SDK1: variants seen among roughly 807,000 people sequenced by gnomAD.
SDK1 encodes the protein sidekick cell adhesion molecule 1.
Under a neutral mutation model 245.5 loss-of-function variants are expected in SDK1, and 157 were observed. The ratio of observed to expected loss-of-function variants is 0.64; its 90% CI spans 0.56 to 0.73. The LOEUF (loss-of-function observed/expected upper bound fraction) is 0.73, where lower values mean the gene tolerates loss of function less well. Among genes scored for constraint, SDK1 ranks in the 30% least tolerant of loss-of-function variants. SDK1 has a pLI of 0.00. For synonymous variants in SDK1, 1,647 were observed against 1,278.5 expected (o/e 1.29, Z -6.15); for missense variants, 3,583 against 3,002.3 (o/e 1.19, Z -4.52).
chr7:3,466,758 G>A (rs926302426), intron 1 of SDK1, among the ~76,000 whole-genome samples: 1 of 151,668 alleles, frequency 6.6e-6, no homozygotes, highest in Non-Finnish European at 1.5e-5. Context: ...ATTATGCAAA[G>A]TATCTCCCCC....
chr7:4,091,353 T>TTTTTTTG (rs1781789642), intron 22 of SDK1, among the ~76,000 whole-genome samples: 1 of 145,498 alleles, frequency 6.9e-6, no homozygotes, highest in African/African-American at 2.6e-5. Context: ...TTTTTTTTTT[T>TTTTTTTG]TTTGTTTGAG....
At chr7:3,912,934 A>T (rs1176963092) in intron 5 of SDK1, among the ~76,000 whole-genome samples, 1 of 152,226 alleles carries the variant, frequency 6.6e-6, no homozygotes, top group Admixed American at 6.5e-5. Context: ...CACAGTTTTC[A>T]TGTAAGGGCT....
chr7:3,591,903 A>G (rs1413174497), intron 1 of SDK1, among the ~76,000 whole-genome samples: 2 of 152,204 alleles, frequency 1.3e-5, no homozygotes, highest in African/African-American at 4.8e-5. Flanking sequence ...TGGTGTCTGA[A>G]GTTTGAGAGG....
intron 35 of SDK1, among the ~76,000 whole-genome samples, chr7:4,192,298 C>G (rs183178012): frequency 1.4e-4 from 21 of 151,292 alleles, no homozygotes; most frequent in African/African-American, 5.2e-4. Flanking sequence ...TTTATTGAGA[C>G]GGAGTCTCAC....
intron 5 of SDK1, among the ~76,000 whole-genome samples, chr7:3,864,027 A>G (rs1008311768): frequency 6.6e-6 from 1 of 152,206 alleles, no homozygotes; most frequent in Non-Finnish European, 1.5e-5. Context: ...CACAATGATC[A>G]CAGTGGTCAC....
intron 5 of SDK1, among the ~76,000 whole-genome samples, chr7:3,847,160 C>G: frequency 6.6e-6 from 1 of 152,078 alleles, no homozygotes; most frequent in East Asian, 1.9e-4. Flanking sequence ...AACCTCCAAA[C>G]CCTGCCTTTG....
intron 35 of SDK1, among the ~76,000 whole-genome samples, chr7:4,201,500 A>G (rs1312169463): frequency 1.3e-5 from 2 of 152,242 alleles, no homozygotes; most frequent in Non-Finnish European, 2.9e-5. Context: ...ATATTAAAAC[A>G]TTAACATTGA....
chr7:4,261,741 TC>T (rs960691112), intron 44 of SDK1, among the ~76,000 whole-genome samples: 6 of 152,164 alleles, frequency 3.9e-5, no homozygotes, highest in Middle Eastern at 3.4e-3. Flanking sequence ...CCTCCCCAGT[TC>T]CCTTGATACC....
chr7:4,051,946 G>C, intron 19 of SDK1, 116 bp downstream of exon 19: 1 of 914,150 alleles, frequency 1.1e-6, no homozygotes, highest in South Asian at 1.7e-5. Context: ...CGGATTTTTG[G>C]AGTGCTTGCA....
chr7:3,464,665 A>G (rs183542244), intron 1 of SDK1, among the ~76,000 whole-genome samples: 2 of 151,670 alleles, frequency 1.3e-5, no homozygotes, highest in Admixed American at 6.6e-5. Flanking sequence ...GCAAATATGT[A>G]TAATACATTA....
At chr7:3,978,080 G>T (rs1783109948) in intron 13 of SDK1, among the ~76,000 whole-genome samples, 1 of 151,994 alleles carries the variant, frequency 6.6e-6, no homozygotes, top group Admixed American at 6.6e-5. Flanking sequence ...TCGGGTCTCA[G>T]ACAGAGGATT....
intron 4 of SDK1, among the ~76,000 whole-genome samples, chr7:3,734,323 A>G (rs1304484799): frequency 6.6e-6 from 1 of 152,222 alleles, no homozygotes; most frequent in Non-Finnish European, 1.5e-5. Flanking sequence ...TTAAAAATGA[A>G]ATCCACATGG....
chr7:3,359,166 G>C (rs562735295), intron 1 of SDK1, among the ~76,000 whole-genome samples: 1 of 152,220 alleles, frequency 6.6e-6, no homozygotes, highest in East Asian at 1.9e-4. Context: ...GGAGTAGCAG[G>C]GAGAGACTGC....
chr7:4,239,316 C>T (rs899458191), intron 42 of SDK1, among the ~76,000 whole-genome samples: 7 of 152,192 alleles, frequency 4.6e-5, no homozygotes, highest in African/African-American at 1.7e-4. Context: ...GAGGTATAAA[C>T]AGGGAAGATG....
intron 4 of SDK1, among the ~76,000 whole-genome samples, chr7:3,794,451 A>G (rs1007031614): frequency 9.9e-5 from 15 of 152,178 alleles, no homozygotes; most frequent in South Asian, 2.1e-4. Context: ...CTAATCCCCA[A>G]TGTGGCAGTA....
intron 5 of SDK1, among the ~76,000 whole-genome samples, chr7:3,870,949 G>T (rs1366875472): frequency 6.6e-6 from 1 of 152,118 alleles, no homozygotes; most frequent in African/African-American, 2.4e-5. Flanking sequence ...ATTTTGCAGA[G>T]ATTATTTGAT....
intron 1 of SDK1, among the ~76,000 whole-genome samples, chr7:3,421,848 T>G (rs1308726327): frequency 2.0e-5 from 3 of 152,162 alleles, no homozygotes; most frequent in African/African-American, 4.8e-5. Flanking sequence ...GCTGCTGCCT[T>G]CCTTCCTGGT....
chr7:3,771,474 A>G (rs1276196466), intron 4 of SDK1, among the ~76,000 whole-genome samples: 1 of 152,002 alleles, frequency 6.6e-6, no homozygotes, highest in African/African-American at 2.4e-5. Context: ...ACTCACCCTC[A>G]TTGTTGTGCA....
At chr7:3,432,603 C>G (rs769641354) in intron 1 of SDK1, among the ~76,000 whole-genome samples, 2 of 152,062 alleles carry the variant, frequency 1.3e-5, no homozygotes, top group African/African-American at 4.8e-5. Context: ...TGCTAGGTTT[C>G]GCATAGAAAA....
Sources: gnomAD v4.1 joint callset for allele counts (sites outside exome capture counted in the v4.1 genomes callset) on GRCh38, gnomAD v4.1.1 for gene constraint, MANE v1.5 for transcripts, NCBI Gene and HGNC (gene_info 2026-07-23, HGNC 2026-07-21) for gene names.